The following PLPP1 variants were observed in gnomAD, a reference collection of about 807,000 sequenced individuals.
The protein encoded by PLPP1 is lipid phosphate phosphohydrolase 1a.
PLPP1 carries 24 observed loss-of-function variants against 31.2 expected under a neutral mutation model. That is an observed-to-expected ratio of 0.77 (90% CI 0.56 to 1.08). The LOEUF is 1.08. Among genes scored for constraint, PLPP1 ranks in the 50% least tolerant of loss-of-function variants. PLPP1 has a pLI of 0.00. For synonymous variants in PLPP1, 146 were observed against 126.3 expected (o/e 1.16, Z -1.05); for missense variants, 319 against 342.7 (o/e 0.93, Z 0.55).
intron 1 of PLPP1, among the ~76,000 whole-genome samples, chr5:55,493,544 A>G (rs1752941513): frequency 6.6e-6 from 1 of 151,754 alleles, no homozygotes; most frequent in Non-Finnish European, 1.5e-5. Flanking sequence ...GAAGTTCAAG[A>G]CCATTCTGGG....
At chr5:55,466,982 A>G (rs1476747197) in intron 3 of PLPP1, among the ~76,000 whole-genome samples, 2 of 152,038 alleles carry the variant, frequency 1.3e-5, no homozygotes, top group Non-Finnish European at 2.9e-5. Flanking sequence ...TTGGTCCTCT[A>G]TTTTTTCCTC....
intron 1 of PLPP1, among the ~76,000 whole-genome samples, chr5:55,531,804 A>G (rs1307565891): frequency 6.6e-6 from 1 of 152,212 alleles, no homozygotes; most frequent in Non-Finnish European, 1.5e-5. Flanking sequence ...CTCCTGCACC[A>G]CTGGTCTCCT....
At chr5:55,530,268 C>G in intron 1 of PLPP1, 1 of 1,509,530 alleles carries the variant, frequency 6.6e-7, no homozygotes, top group Non-Finnish European at 9.2e-7. Context: ...ATTTAGATGA[C>G]TAACGAAATT....
intron 4 of PLPP1, among the ~76,000 whole-genome samples, chr5:55,432,976 T>C (rs193120704): frequency 1.3e-5 from 2 of 151,950 alleles, no homozygotes; most frequent in East Asian, 1.9e-4. Context: ...CTATTCAGCA[T>C]AGCAGTGAAG....
intron 1 of PLPP1, among the ~76,000 whole-genome samples, chr5:55,500,501 G>A (rs976725491): frequency 6.6e-6 from 1 of 151,926 alleles, no homozygotes; most frequent in Non-Finnish European, 1.5e-5. Context: ...TAACAGTGGG[G>A]GCTAAATAGC....
intron 1 of PLPP1, among the ~76,000 whole-genome samples, chr5:55,495,961 G>A (rs991349651): frequency 1.3e-5 from 2 of 152,074 alleles, no homozygotes; most frequent in Non-Finnish European, 2.9e-5. Flanking sequence ...AGTTTCAAGT[G>A]ATTCTCCGAC....
rs748121404 is a variant in PLPP1 at position 55,425,295 on chromosome 5, A to T, written c.766T>A (p.Phe256Ile). Residue 256 changes from phenylalanine (F) to isoleucine (I), a missense_variant, in exon 6 of 6, where the codon TTT becomes ATT. Physicochemically the swap from Phe to Ile is conservative, Grantham distance 21. Transcript: ENST00000307259. ...GAGTCCTCCTCTTTTCTTTCTTTAA[A>T]AGAAGTTCTTTCTTTGAAGAAATCC... Reference protein sequence around the residue: ...VSDFFKERTSFKERKEEDSHT... With the variant: ...VSDFFKERTSIKERKEEDSHT... 6.2e-7 allele frequency: 1 copy of T among 1,610,400 alleles called. No individual in the cohort carries two copies. The highest frequency in any genetic ancestry group is 1.1e-5 in the South Asian group (1 of 90,916).
At position 55,534,930 on chromosome 5, in the gene PLPP1, G is replaced by A. The variant is rs935404178; in HGVS notation, c.-301C>T. ...CTCCTCAGCCGGCACGGCCTGCCCCGGTTGCTCCCCGTCCGGATCCCGGCG... is the reference window on the plus strand; with the variant it reads ...CTCCTCAGCCGGCACGGCCTGCCCCAGTTGCTCCCCGTCCGGATCCCGGCG... On this transcript the variant is annotated 5_prime_UTR_variant, in exon 1 of 6. Transcript: ENST00000307259. 4.9e-6 allele frequency: 2 copies of A among 404,364 alleles called. No homozygotes were observed. Among genetic ancestry groups the A allele is most frequent in the Non-Finnish European group, 8.9e-6 (2 of 225,588 alleles). The allele number at this position is 404,364 out of a possible 1,614,324, so 25.0% of individuals were successfully genotyped here. A position where few individuals can be genotyped will look rare whatever the true frequency, so the allele number is the denominator to read the frequency against.
chr5:55,503,522 T>C (rs1443651331), intron 1 of PLPP1, among the ~76,000 whole-genome samples: 1 of 151,882 alleles, frequency 6.6e-6, no homozygotes, highest in Admixed American at 6.6e-5. Flanking sequence ...ATGCCTGTAA[T>C]CTCAGCACTT....
rs544965691 is a variant in PLPP1, at chr5:55,469,485, C to G, written c.211-1336G>C. 1.2e-3 allele frequency among the ~76,000 whole-genome samples: 178 copies of G among 145,106 alleles called. 2 individuals are homozygous for G. The highest frequency in any genetic ancestry group is 6.3e-3 in the South Asian group (27 of 4,320). ...AGCCTGGGTGCGACACAGCGAGACC[C>G]CATCTCAAAAAATAATAATAAAAAT... On this transcript the variant is annotated intron_variant, in intron 2 of 5. Transcript: ENST00000307259.
chr5:55,481,818 A>G (rs959253774), intron 1 of PLPP1, among the ~76,000 whole-genome samples: 3 of 152,126 alleles, frequency 2.0e-5, no homozygotes, highest in Non-Finnish European at 4.4e-5. Flanking sequence ...ATTGAGAATC[A>G]GTACTTTCCA....
At chr5:55,471,538 C>T (rs1180891261) in intron 2 of PLPP1, among the ~76,000 whole-genome samples, 1 of 152,114 alleles carries the variant, frequency 6.6e-6, no homozygotes, top group Non-Finnish European at 1.5e-5. Flanking sequence ...CTTACTTTAA[C>T]TTCTCAGTGT....
chr5:55,527,851 A>G (rs200154085), intron 1 of PLPP1, among the ~76,000 whole-genome samples: 1 of 145,352 alleles, frequency 6.9e-6, no homozygotes, highest in African/African-American at 2.5e-5. Flanking sequence ...CTACTCACAG[A>G]ACAGCTTTGG....
Position 55,425,878 on chromosome 5 carries a change from CA to C in PLPP1, c.710del (p.Leu237ArgfsTer5). The C allele has an allele frequency of 6.2e-7, 1 of 1,606,158 alleles. No individual in the cohort carries two copies. The highest frequency in any genetic ancestry group is 8.5e-7 in the Non-Finnish European group (1 of 1,177,844). On this transcript the variant is annotated frameshift_variant, in exon 5 of 6. Coordinates refer to ENST00000307259, the MANE Select transcript of PLPP1 (RefSeq NM_003711.4). LOFTEE classifies it high-confidence loss of function. ...DVLTGLIQGALVAILVAVYVS... is the reference protein window; with the variant it reads ...DVLTGLIQGAXVAILVAVYVS... ...GTATACTTACAACTAATATTGCAAC[CA>C]GAGCTCCCTGAATGAGTCCAGTCAA...
chr5:55,448,000 T>C (rs541666853), intron 3 of PLPP1, among the ~76,000 whole-genome samples: 2 of 152,328 alleles, frequency 1.3e-5, no homozygotes, highest in African/African-American at 4.8e-5. Context: ...TAACCTGAAG[T>C]ATAGCATAAG....
intron 1 of PLPP1, chr5:55,530,502 C>T: frequency 1.7e-6 from 2 of 1,188,606 alleles, no homozygotes; most frequent in South Asian, 2.4e-5. Flanking sequence ...ACTCCTATTG[C>T]TGTTCCCTAC....
intron 3 of PLPP1, among the ~76,000 whole-genome samples, chr5:55,457,919 T>G (rs1752057441): frequency 6.6e-6 from 1 of 151,782 alleles, no homozygotes; most frequent in African/African-American, 2.4e-5. Flanking sequence ...TACAATGACA[T>G]TTTCTAGACT....
intron 3 of PLPP1, among the ~76,000 whole-genome samples, chr5:55,467,653 A>G (rs1024454124): frequency 1.3e-5 from 2 of 152,090 alleles, no homozygotes; most frequent in Non-Finnish European, 2.9e-5. Context: ...GCTGGCGATG[A>G]AAAAAAGAGC....
intron 1 of PLPP1, among the ~76,000 whole-genome samples, chr5:55,516,154 C>T (rs1226314325): frequency 6.6e-6 from 1 of 152,160 alleles, no homozygotes; most frequent in Non-Finnish European, 1.5e-5. Context: ...CAACATGTCA[C>T]CAAGACAGGT....
Sources: allele counts gnomAD v4.1 joint callset (sites outside exome capture counted in the v4.1 genomes callset), GRCh38; gene constraint gnomAD v4.1.1; transcripts MANE v1.5; gene names NCBI Gene and HGNC (gene_info 2026-07-23, HGNC 2026-07-21).